Variants in NRXN3 observed in about 807,000 individuals in gnomAD.
The protein encoded by NRXN3 is neurexin III.
A neutral mutation model predicts 137.6 loss-of-function variants in NRXN3; 32 were observed. The observed-to-expected ratio is 0.23, with a 90% CI of 0.18 to 0.31. The LOEUF is 0.31. NRXN3 is among the 10% of genes least tolerant of loss of function. NRXN3 has a pLI of 1.00. For missense variants in NRXN3, 1,574 were observed against 2,062.5 expected (o/e 0.76, Z 4.59); for synonymous variants, 798 against 784.5 (o/e 1.02, Z -0.29).
chr14:79,564,229 G>A (rs891105532), intron 16 of NRXN3, among the ~76,000 whole-genome samples: 1 of 151,902 alleles, frequency 6.6e-6, no homozygotes, highest in African/African-American at 2.4e-5. Context: ...TGGTTTGAGG[G>A]CGAGTCAAGT....
At chr14:78,388,335 C>A (rs767703530) in intron 4 of NRXN3, among the ~76,000 whole-genome samples, 12 of 152,068 alleles carry the variant, frequency 7.9e-5, no homozygotes, top group Non-Finnish European at 1.6e-4. Flanking sequence ...CTGTAGTGAG[C>A]CATTGTCTTA....
At chr14:78,321,083 T>A (rs2079295216) in intron 4 of NRXN3, among the ~76,000 whole-genome samples, 1 of 150,922 alleles carries the variant, frequency 6.6e-6, no homozygotes, top group African/African-American at 2.5e-5. Flanking sequence ...ACCACTGCAC[T>A]CCAGTCTGGT....
At chr14:79,471,186 T>A (rs61995163) in intron 16 of NRXN3, among the ~76,000 whole-genome samples, 11,509 of 152,186 alleles carry the variant, frequency 0.076, 619 homozygotes, top group Middle Eastern at 0.13. Flanking sequence ...AGCCTGACCC[T>A]GGGGTAAGCA....
chr14:79,738,189 G>A (rs897108627), intron 19 of NRXN3, among the ~76,000 whole-genome samples: 2 of 152,030 alleles, frequency 1.3e-5, no homozygotes, highest in Non-Finnish European at 2.9e-5. Context: ...TTAGAAAAAG[G>A]GTCTTTGTGA....
At chr14:78,375,623 T>C (rs2087677402) in intron 4 of NRXN3, among the ~76,000 whole-genome samples, 1 of 152,194 alleles carries the variant, frequency 6.6e-6, no homozygotes. Flanking sequence ...AGTATATATA[T>C]GTATTTTGTT....
intron 19 of NRXN3, among the ~76,000 whole-genome samples, chr14:79,737,576 C>G (rs1212881875): frequency 1.3e-5 from 2 of 152,108 alleles, no homozygotes; most frequent in East Asian, 3.9e-4. Flanking sequence ...TAACAGTTTT[C>G]TAATTGCTGC....
intron 6 of NRXN3, among the ~76,000 whole-genome samples, chr14:78,669,912 C>T (rs1251213190): frequency 2.6e-5 from 4 of 151,880 alleles, no homozygotes; most frequent in African/African-American, 9.7e-5. Flanking sequence ...GCAGAACGTA[C>T]AGTTTTGTTA....
intron 20 of NRXN3, among the ~76,000 whole-genome samples, chr14:79,859,858 AT>A (rs919950675): frequency 3.9e-5 from 6 of 152,160 alleles, no homozygotes; most frequent in South Asian, 2.1e-4. Flanking sequence ...CTGCGAGTGG[AT>A]TTTTTTTAAG....
chr14:79,133,103 C>G (rs2057773989), intron 15 of NRXN3, among the ~76,000 whole-genome samples: 1 of 152,230 alleles, frequency 6.6e-6, no homozygotes, highest in Non-Finnish European at 1.5e-5. Flanking sequence ...TCTTTAGTTG[C>G]AGGGTGAGCT....
chr14:78,910,974 C>T (rs367800893), intron 10 of NRXN3, among the ~76,000 whole-genome samples: 3 of 152,224 alleles, frequency 2.0e-5, no homozygotes, highest in African/African-American at 4.8e-5. Context: ...TGAATTTATC[C>T]TCAATAAATT....
At chr14:78,524,591 A>G (rs1297713374) in intron 4 of NRXN3, among the ~76,000 whole-genome samples, 2 of 152,022 alleles carry the variant, frequency 1.3e-5, no homozygotes, top group African/African-American at 4.8e-5. Flanking sequence ...TCCCCAGGCG[A>G]TTTTTCTGCC....
intron 17 of NRXN3, among the ~76,000 whole-genome samples, chr14:79,686,933 G>C (rs1459270283): frequency 6.6e-6 from 1 of 152,112 alleles, no homozygotes; most frequent in East Asian, 1.9e-4. Context: ...TCTTTCCAGG[G>C]TCTCCCTGGC....
chr14:79,724,176 C>T (rs1441474070), intron 19 of NRXN3, among the ~76,000 whole-genome samples: 4 of 152,110 alleles, frequency 2.6e-5, no homozygotes, highest in South Asian at 2.1e-4. Flanking sequence ...ACACAGGGTA[C>T]GCCGGCACAC....
intron 20 of NRXN3, among the ~76,000 whole-genome samples, chr14:79,858,575 A>G (rs1004510941): frequency 1.3e-5 from 2 of 152,110 alleles, no homozygotes; most frequent in African/African-American, 4.8e-5. Context: ...TGCCATAAGG[A>G]ACAAATGACT....
intron 15 of NRXN3, among the ~76,000 whole-genome samples, chr14:79,261,134 A>G (rs2153406542): frequency 1.3e-5 from 2 of 152,308 alleles, no homozygotes; most frequent in Non-Finnish European, 2.9e-5. Flanking sequence ...AGGGTGAGAT[A>G]TATGTGAGGG....
chr14:78,744,697 T>C (rs1409703824), intron 8 of NRXN3: 1 of 152,236 alleles, frequency 6.6e-6, no homozygotes, highest in Non-Finnish European at 1.5e-5. Flanking sequence ...TCCACACCTT[T>C]TTTTAATGAC....
chr14:79,367,729 G>A (rs1463460768), intron 15 of NRXN3, among the ~76,000 whole-genome samples: 1 of 152,120 alleles, frequency 6.6e-6, no homozygotes, highest in African/African-American at 2.4e-5. Context: ...AGGAAACTGG[G>A]AATCAGTTAA....
At chr14:79,596,304 G>T (rs1317966764) in intron 16 of NRXN3, among the ~76,000 whole-genome samples, 1 of 152,006 alleles carries the variant, frequency 6.6e-6, no homozygotes, top group Non-Finnish European at 1.5e-5. Context: ...ACATGACCTT[G>T]GGGAAATTGC....
chr14:79,157,873 T>C (rs2060398270), intron 15 of NRXN3, among the ~76,000 whole-genome samples: 1 of 151,806 alleles, frequency 6.6e-6, no homozygotes. Context: ...AAGGGAAAGA[T>C]ATTTGTGATG....
Sources: gnomAD v4.1 joint callset for allele counts (sites outside exome capture counted in the v4.1 genomes callset) on GRCh38, gnomAD v4.1.1 for gene constraint, MANE v1.5 for transcripts, NCBI Gene and HGNC (gene_info 2026-07-23, HGNC 2026-07-21) for gene names.